The following COL24A1 variants were observed in gnomAD, a reference collection of about 807,000 sequenced individuals.
COL24A1 encodes collagen alpha-1(XXIV) chain.
In COL24A1, 224 loss-of-function variants were observed where a neutral mutation model predicts 253.9. The observed-to-expected ratio is 0.88, with a 90% CI of 0.79 to 0.99. The LOEUF (loss-of-function observed/expected upper bound fraction) is 0.99. COL24A1 is among the 50% of genes least tolerant of loss of function. COL24A1 has a pLI of 0.00. For synonymous variants in COL24A1, 685 were observed against 673.7 expected (o/e 1.02, Z -0.26); for missense variants, 2,131 against 2,068.5 (o/e 1.03, Z -0.59).
At chr1:85,997,041 A>ATG (rs1212886965) in intron 19 of COL24A1, among the ~76,000 whole-genome samples, 10 of 81,170 alleles carry the variant, frequency 1.2e-4, no homozygotes, top group East Asian at 2.5e-4. Flanking sequence ...ATATATATAT[A>ATG]TGTGTGTGTG....
chr1:86,142,527 A>C (rs939471161), intron 2 of COL24A1, among the ~76,000 whole-genome samples: 18 of 150,710 alleles, frequency 1.2e-4, no homozygotes, highest in Admixed American at 6.7e-4. Flanking sequence ...TGCCTCAAAA[A>C]AAAAAACAAA....
intron 47 of COL24A1, among the ~76,000 whole-genome samples, chr1:85,802,466 A>C (rs532482205): frequency 4.6e-5 from 7 of 152,054 alleles, no homozygotes; most frequent in Non-Finnish European, 1.0e-4. Context: ...AATTATTATT[A>C]TTCCCAATTT....
rs560464497 is a variant in COL24A1, at chr1:85,839,733, G to T, written c.3628-1095C>A. On this transcript the variant is annotated intron_variant, in intron 42 of 59. Transcript: ENST00000370571. ...CACAGTCTCAGAATAAAAGTCTATT[G>T]TGAAATTTTTAATTTTCAAGACATA... 2.8e-3 allele frequency among the ~76,000 whole-genome samples: 423 copies of T among 151,986 alleles called. 4 individuals are homozygous for T. The highest frequency in any genetic ancestry group is 9.9e-3 in the African/African-American group (410 of 41,464).
At chr1:85,891,612 C>T (rs1474979979) in intron 31 of COL24A1, among the ~76,000 whole-genome samples, 5 of 152,104 alleles carry the variant, frequency 3.3e-5, no homozygotes, top group Non-Finnish European at 7.4e-5. Flanking sequence ...GGCCCTGTTT[C>T]AGTCATGTAA....
At chr1:86,087,903 G>C (rs145110619) in intron 7 of COL24A1, among the ~76,000 whole-genome samples, 3 of 152,264 alleles carry the variant, frequency 2.0e-5, no homozygotes, top group African/African-American at 7.2e-5. Context: ...ATGAAGACTA[G>C]TCTGAAGGAC....
intron 45 of COL24A1, among the ~76,000 whole-genome samples, 172 bp downstream of exon 45, chr1:85,823,364 A>C (rs1673860058): frequency 6.6e-6 from 1 of 152,212 alleles, no homozygotes. Flanking sequence ...TCAATCAATA[A>C]TTTTGTATTA....
chr1:85,941,691 C>T (rs1023837367), intron 24 of COL24A1, among the ~76,000 whole-genome samples: 10 of 152,066 alleles, frequency 6.6e-5, no homozygotes, highest in African/African-American at 2.4e-4. Flanking sequence ...ATTCTGAATC[C>T]TCAGTACCAC....
At chr1:86,004,314 T>C (rs1370870015) in intron 19 of COL24A1, among the ~76,000 whole-genome samples, 2 of 152,124 alleles carry the variant, frequency 1.3e-5, no homozygotes, top group Admixed American at 6.5e-5. Flanking sequence ...TCTAGAGGCT[T>C]ACAGAATGCC....
Position 86,017,421 on chromosome 1 carries a change from G to C in COL24A1, c.2257-217C>G, listed in dbSNP as rs10493787. The stretch of plus-strand genomic sequence containing the variant: ...TAATATACATTCACTCAAGTGTTAA[G>C]TGATACAAACAAATTAATGAGTCAA... On this transcript the variant is annotated intron_variant, in intron 18 of 59. Coordinates refer to ENST00000370571, the MANE Select transcript of COL24A1 (RefSeq NM_152890.7). 0.2 allele frequency among the ~76,000 whole-genome samples: 29,685 copies of C among 152,116 alleles called. 3,162 individuals carry two copies. Among genetic ancestry groups the C allele is most frequent in the Middle Eastern group, 0.29 (85 of 294 alleles).
At chr1:86,147,282 A>AT (rs1236854010) in intron 1 of COL24A1, among the ~76,000 whole-genome samples, 1 of 152,208 alleles carries the variant, frequency 6.6e-6, no homozygotes, top group African/African-American at 2.4e-5. Context: ...AAGCCAGCAA[A>AT]TATATAATTC....
intron 37 of COL24A1, among the ~76,000 whole-genome samples, chr1:85,852,387 C>A (rs1677875072): frequency 6.6e-6 from 1 of 152,170 alleles, no homozygotes; most frequent in Non-Finnish European, 1.5e-5. Context: ...CAGATTCTCT[C>A]TTCCACCTCC....
intron 24 of COL24A1, among the ~76,000 whole-genome samples, chr1:85,929,846 C>A (rs1392027851): frequency 6.7e-6 from 1 of 150,284 alleles, no homozygotes; most frequent in South Asian, 2.1e-4. Flanking sequence ...GGGTACATAA[C>A]GAAATGAAGG....
At chr1:85,777,245 G>A (rs1668636927) in intron 52 of COL24A1, among the ~76,000 whole-genome samples, 1 of 151,300 alleles carries the variant, frequency 6.6e-6, no homozygotes, top group Non-Finnish European at 1.5e-5. Context: ...ACTGCGCCTG[G>A]ACCCTGATTT....
Position 85,847,669 on chromosome 1 carries a change from G to C in COL24A1, c.3458C>G (p.Ala1153Gly), listed in dbSNP as rs1677278161. ...GGAAGCAAGTCAAATACTGACCACA[G>C]CACCTCTAGTTCCTCTGGCACCCTT... ...GPKGARGTRG[A>G]VGHLGLMGPD... is the part of the protein sequence containing the mutation. Residue 1153 changes from alanine to glycine, a missense_variant, in exon 39 of 60, where the codon GCT becomes GGT. Physicochemically the swap from Ala to Gly is moderately conservative, Grantham distance 60. Coordinates refer to ENST00000370571, the MANE Select transcript of COL24A1 (RefSeq NM_152890.7). The C allele has an allele frequency of 3.7e-6, 6 of 1,611,798 alleles. No individual in the cohort carries two copies. The highest frequency in any genetic ancestry group is 5.1e-6 in the Non-Finnish European group (6 of 1,178,310).
chr1:85,889,730 T>C (rs1441933313), intron 31 of COL24A1, 117 bp from the exon 32 acceptor site: 4 of 798,466 alleles, frequency 5.0e-6, no homozygotes, highest in Non-Finnish European at 8.3e-6. Flanking sequence ...CTATTGCTAT[T>C]CTTTTTTTTT....
intron 55 of COL24A1, among the ~76,000 whole-genome samples, chr1:85,747,978 C>G (rs1435636123): frequency 6.6e-6 from 1 of 152,182 alleles, no homozygotes; most frequent in African/African-American, 2.4e-5. Context: ...CTTCCAAACA[C>G]AGATACAGCT....
intron 32 of COL24A1, among the ~76,000 whole-genome samples, chr1:85,885,397 A>ATATATATATATTTTTT (rs60994639): frequency 1.1e-4 from 14 of 128,912 alleles, no homozygotes; most frequent in Non-Finnish European, 1.8e-4. Context: ...ATATATATAT[A>ATATATATATATTTTTT]TTTTTTTTTT....
At chr1:85,808,256 A>G (rs1420744251) in intron 47 of COL24A1, among the ~76,000 whole-genome samples, 1 of 152,236 alleles carries the variant, frequency 6.6e-6, no homozygotes, top group Non-Finnish European at 1.5e-5. Context: ...GATTCCTACT[A>G]TATTCCCTAT....
intron 58 of COL24A1, among the ~76,000 whole-genome samples, chr1:85,735,512 T>G (rs779679219): frequency 1.7e-4 from 26 of 152,098 alleles, no homozygotes; most frequent in Non-Finnish European, 3.4e-4. Flanking sequence ...AATTTTAACT[T>G]TGAGAGCCTT....
Sources: gnomAD v4.1 joint callset for allele counts (sites outside exome capture counted in the v4.1 genomes callset) on GRCh38, gnomAD v4.1.1 for gene constraint, MANE v1.5 for transcripts, NCBI Gene and HGNC (gene_info 2026-07-23, HGNC 2026-07-21) for gene names.